Variants in SORBS2 observed in about 807,000 individuals in gnomAD.
The protein encoded by SORBS2 is sorbin and SH3 domain-containing protein 2.
A neutral mutation model predicts 97.7 loss-of-function variants in SORBS2; 46 were observed. The observed-to-expected ratio is 0.47, with a 90% CI of 0.37 to 0.60. The LOEUF is 0.60. SORBS2 is among the 20% of genes least tolerant of loss of function. The pLI is 0.00. For synonymous variants in SORBS2, 476 were observed against 473.4 expected (o/e 1.01, Z -0.07); for missense variants, 1,316 against 1,282.3 (o/e 1.03, Z -0.40).
intron 4 of SORBS2, among the ~76,000 whole-genome samples, chr4:185,634,196 A>T (rs2096955375): frequency 6.6e-6 from 1 of 152,186 alleles, no homozygotes; most frequent in Non-Finnish European, 1.5e-5. Context: ...CAGGGTAAAT[A>T]ATTTGAAATT....
At chr4:185,591,440 GT>G (rs1044736577) in intron 13 of SORBS2, among the ~76,000 whole-genome samples, 2 of 152,172 alleles carry the variant, frequency 1.3e-5, no homozygotes, top group Non-Finnish European at 2.9e-5. Context: ...ACAGGCAGGT[GT>G]GGAATACAGA....
chr4:185,920,216 T>G (rs987552402), intron 1 of SORBS2, among the ~76,000 whole-genome samples: 23 of 152,322 alleles, frequency 1.5e-4, no homozygotes, highest in African/African-American at 5.3e-4. Context: ...AATGGCCAGA[T>G]AAAAATCAGA....
At chr4:185,846,196 A>T (rs1432579980) in intron 1 of SORBS2, among the ~76,000 whole-genome samples, 1 of 152,246 alleles carries the variant, frequency 6.6e-6, no homozygotes, top group Non-Finnish European at 1.5e-5. Flanking sequence ...GTACATCCAT[A>T]CAACAGAATG....
At chr4:185,601,303 C>T (rs1382571318) in intron 12 of SORBS2, among the ~76,000 whole-genome samples, 2 of 152,186 alleles carry the variant, frequency 1.3e-5, no homozygotes, top group African/African-American at 2.4e-5. Flanking sequence ...GACCACATTT[C>T]CTGACTTGTA....
intron 1 of SORBS2, among the ~76,000 whole-genome samples, chr4:185,886,269 C>A (rs1391914442): frequency 6.6e-6 from 1 of 152,020 alleles, no homozygotes; most frequent in Non-Finnish European, 1.5e-5. Context: ...GAAAAGTATA[C>A]AATCCACCCA....
intron 1 of SORBS2, among the ~76,000 whole-genome samples, chr4:185,897,010 A>G (rs1231623200): frequency 2.0e-5 from 3 of 152,146 alleles, no homozygotes; most frequent in Non-Finnish European, 4.4e-5. Flanking sequence ...GCGGAGGCTC[A>G]GGAAACAGTA....
intron 12 of SORBS2, among the ~76,000 whole-genome samples, chr4:185,604,583 A>G (rs2096361401): frequency 6.6e-6 from 1 of 152,216 alleles, no homozygotes; most frequent in South Asian, 2.1e-4. Context: ...GAATGAGGTT[A>G]CATGCTCTTT....
chr4:185,883,351 A>T (rs2099237794), intron 1 of SORBS2, among the ~76,000 whole-genome samples: 1 of 152,246 alleles, frequency 6.6e-6, no homozygotes, highest in South Asian at 2.1e-4. Context: ...ATGAGGTACC[A>T]CTACATTATT....
chr4:185,729,082 T>G (rs1050846763), intron 2 of SORBS2, among the ~76,000 whole-genome samples: 1 of 152,216 alleles, frequency 6.6e-6, no homozygotes, highest in African/African-American at 2.4e-5. Context: ...AATGGGCACA[T>G]GAGAAGAATT....
intron 11 of SORBS2, among the ~76,000 whole-genome samples, chr4:185,614,322 C>A (rs1254317488): frequency 1.3e-5 from 2 of 151,104 alleles, no homozygotes; most frequent in African/African-American, 4.9e-5. Flanking sequence ...AAATTTGGGT[C>A]AATTATGAGG....
intron 12 of SORBS2, among the ~76,000 whole-genome samples, chr4:185,604,120 T>C (rs2096347636): frequency 6.6e-6 from 1 of 152,258 alleles, no homozygotes; most frequent in Non-Finnish European, 1.5e-5. Context: ...CTTCTTATTA[T>C]GATATACATT....
At chr4:185,903,380 C>T (rs1317693606) in intron 1 of SORBS2, among the ~76,000 whole-genome samples, 1 of 152,148 alleles carries the variant, frequency 6.6e-6, no homozygotes, top group Non-Finnish European at 1.5e-5. Flanking sequence ...TTACCAATAT[C>T]ATCATGATTC....
At chr4:185,858,315 G>A (rs943320010) in intron 1 of SORBS2, among the ~76,000 whole-genome samples, 4 of 152,154 alleles carry the variant, frequency 2.6e-5, no homozygotes, top group Admixed American at 2.6e-4. Context: ...AAAGAAGAAG[G>A]CCCTCACCAG....
chr4:185,728,212 C>G (rs977354619), intron 2 of SORBS2, among the ~76,000 whole-genome samples: 1 of 152,086 alleles, frequency 6.6e-6, no homozygotes, highest in African/African-American at 2.4e-5. Context: ...CTGTGCTCCC[C>G]GAGAAAGTCC....
At chr4:185,843,726 T>C (rs1477386614) in intron 1 of SORBS2, among the ~76,000 whole-genome samples, 1 of 152,188 alleles carries the variant, frequency 6.6e-6, no homozygotes, top group African/African-American at 2.4e-5. Flanking sequence ...TGGAGAGATA[T>C]ATCATGTTCA....
At chr4:185,735,544 T>G (rs1487320666) in intron 2 of SORBS2, among the ~76,000 whole-genome samples, 2 of 151,780 alleles carry the variant, frequency 1.3e-5, no homozygotes, top group Non-Finnish European at 2.9e-5. Flanking sequence ...ATGCGAGCCT[T>G]CCCCCAAATC....
intron 1 of SORBS2, among the ~76,000 whole-genome samples, chr4:185,879,780 A>G (rs923414480): frequency 2.0e-5 from 3 of 152,042 alleles, no homozygotes; most frequent in Non-Finnish European, 4.4e-5. Flanking sequence ...TGTTTTTCTC[A>G]TGAGGATGCA....
At chr4:185,643,717 G>A (rs1424725028) in intron 4 of SORBS2, among the ~76,000 whole-genome samples, 1 of 152,152 alleles carries the variant, frequency 6.6e-6, no homozygotes, top group African/African-American at 2.4e-5. Context: ...GAGAGGCCAT[G>A]TAGAGATTCA....
intron 1 of SORBS2, among the ~76,000 whole-genome samples, chr4:185,931,978 G>GTC (rs71598510): frequency 2.1e-4 from 29 of 140,070 alleles, no homozygotes; most frequent in East Asian, 6.2e-4. Context: ...GGAAGAACCT[G>GTC]TCTCTCTCTC....
Sources: gnomAD v4.1 joint callset for allele counts (sites outside exome capture counted in the v4.1 genomes callset) on GRCh38, gnomAD v4.1.1 for gene constraint, MANE v1.5 for transcripts, NCBI Gene and HGNC (gene_info 2026-07-23, HGNC 2026-07-21) for gene names.